The following ADCY2 variants were observed in gnomAD, a reference collection of about 807,000 sequenced individuals.
The protein encoded by ADCY2 is adenylate cyclase type 2.
ADCY2 carries 31 observed loss-of-function variants against 125.2 expected under a neutral mutation model. The ratio of observed to expected loss-of-function variants is 0.25; its 90% CI spans 0.19 to 0.33. The LOEUF is 0.33. Among genes scored for constraint, ADCY2 ranks in the 10% least tolerant of loss-of-function variants. The pLI is 1.00. For synonymous variants in ADCY2, 512 were observed against 548.4 expected, an observed-to-expected ratio of 0.93 and a Z score of 0.93; for missense variants, 904 against 1,418.2, an observed-to-expected ratio of 0.64 and a Z score of 5.82.
At chr5:7,697,372 G>C (rs543119905) in intron 6 of ADCY2, among the ~76,000 whole-genome samples, 3 of 152,088 alleles carry the variant, frequency 2.0e-5, no homozygotes, top group Non-Finnish European at 4.4e-5. Flanking sequence ...GTGTGCCTTC[G>C]ATATGAGTTC....
Position 7,626,170 on chromosome 5 carries a change from C to A in ADCY2, c.574C>A (p.Leu192Met), listed in dbSNP as rs778717802. Residue 192 changes from leucine to methionine, a missense_variant, in exon 4 of 25, where the codon CTG becomes ATG. By Grantham distance (15) the Leu-to-Met change is conservative. Around this residue, in one of 7 missense-constraint regions of ADCY2, gnomAD observed 121 missense variants for 161.5 expected, o/e 0.75. Coordinates refer to ENST00000338316, the MANE Select transcript of ADCY2 (RefSeq NM_020546.3). ...GCAGCTCTTTCTGTCTCTTTAGATCCTGGCCAATGTGATCATTTTCATCTG... is the reference window on the plus strand; with the variant it reads ...GCAGCTCTTTCTGTCTCTTTAGATCATGGCCAATGTGATCATTTTCATCTG... Reference protein sequence around the residue: ...GGKEHLVWQILANVIIFICGN... With the variant: ...GGKEHLVWQIMANVIIFICGN... The A allele has an allele frequency of 6.2e-7, 1 of 1,612,774 alleles. No homozygotes were observed. The highest frequency in any genetic ancestry group is 8.5e-7 in the Non-Finnish European group (1 of 1,179,642).
chr5:7,456,519 T>C (rs1310196239), intron 2 of ADCY2, among the ~76,000 whole-genome samples: 2 of 152,244 alleles, frequency 1.3e-5, no homozygotes, highest in Admixed American at 1.3e-4. Flanking sequence ...ACATGAATAC[T>C]ATCTGAAATA....
chr5:7,611,037 G>A (rs1737558062), intron 3 of ADCY2: 1 of 152,036 alleles, frequency 6.6e-6, no homozygotes, highest in African/African-American at 2.4e-5. Flanking sequence ...ACTATTCCTT[G>A]TAGCAAGCAC....
At chr5:7,498,250 T>C (rs1255345716) in intron 2 of ADCY2, among the ~76,000 whole-genome samples, 1 of 137,040 alleles carries the variant, frequency 7.3e-6, no homozygotes, top group African/African-American at 2.8e-5. Flanking sequence ...TTTTTTTTTT[T>C]TTTTTTTTTT....
chr5:7,516,659 A>G (rs1445104253), intron 2 of ADCY2, among the ~76,000 whole-genome samples: 2 of 152,196 alleles, frequency 1.3e-5, no homozygotes, highest in East Asian at 3.9e-4. Context: ...ATTATATTAC[A>G]TGCCCAGAAG....
At chr5:7,516,562 G>A (rs1458605890) in intron 2 of ADCY2, among the ~76,000 whole-genome samples, 1 of 152,164 alleles carries the variant, frequency 6.6e-6, no homozygotes, top group East Asian at 1.9e-4. Context: ...GGTTGCCAGG[G>A]AGGCAAGAGG....
chr5:7,410,501 G>A (rs1579414560), intron 1 of ADCY2, among the ~76,000 whole-genome samples: 1 of 152,156 alleles, frequency 6.6e-6, no homozygotes, highest in South Asian at 2.1e-4. Context: ...GAAAATGCAT[G>A]GAAAATGAAG....
intron 2 of ADCY2, among the ~76,000 whole-genome samples, chr5:7,481,380 C>T (rs1742724569): frequency 6.6e-6 from 1 of 152,160 alleles, no homozygotes; most frequent in South Asian, 2.1e-4. Flanking sequence ...CATTCTCTCG[C>T]CTCAGCTTCC....
intron 2 of ADCY2, among the ~76,000 whole-genome samples, chr5:7,431,818 C>A (rs187450331): frequency 6.6e-6 from 1 of 152,076 alleles, no homozygotes; most frequent in Non-Finnish European, 1.5e-5. Context: ...TACATGAAAA[C>A]ATATTCAGTA....
chr5:7,504,464 G>A (rs975686656), intron 2 of ADCY2, among the ~76,000 whole-genome samples: 1 of 152,096 alleles, frequency 6.6e-6, no homozygotes, highest in Non-Finnish European at 1.5e-5. Flanking sequence ...GGAACACAAC[G>A]CCTATGAAGG....
chr5:7,688,781 A>C (rs1740615791), intron 4 of ADCY2, among the ~76,000 whole-genome samples: 1 of 152,170 alleles, frequency 6.6e-6, no homozygotes, highest in Non-Finnish European at 1.5e-5. Flanking sequence ...GCAGAAATGG[A>C]ATTCAGTGGA....
chr5:7,685,774 G>A (rs1282009217), intron 4 of ADCY2, among the ~76,000 whole-genome samples: 1 of 152,160 alleles, frequency 6.6e-6, no homozygotes, highest in Non-Finnish European at 1.5e-5. Context: ...AGGAGCTGGG[G>A]GAGGTGCAGC....
At chr5:7,544,902 A>G (rs1030763032) in intron 3 of ADCY2, among the ~76,000 whole-genome samples, 3 of 152,234 alleles carry the variant, frequency 2.0e-5, no homozygotes, top group African/African-American at 7.2e-5. Flanking sequence ...TCCCATGGAG[A>G]AAGCACAAGG....
chr5:7,732,634 C>T (rs1742139084), intron 14 of ADCY2, among the ~76,000 whole-genome samples: 1 of 152,118 alleles, frequency 6.6e-6, no homozygotes, highest in African/African-American at 2.4e-5. Context: ...CTTCTGTTGA[C>T]TTTGTTTTCT....
At chr5:7,714,212 G>T (rs1327798367) in intron 11 of ADCY2, among the ~76,000 whole-genome samples, 1 of 152,148 alleles carries the variant, frequency 6.6e-6, no homozygotes, top group Non-Finnish European at 1.5e-5. Flanking sequence ...CGGTGCCTCT[G>T]GCCAATAAGA....
intron 7 of ADCY2, among the ~76,000 whole-genome samples, chr5:7,705,515 TG>T (rs1285278361): frequency 6.7e-6 from 1 of 148,512 alleles, no homozygotes; most frequent in African/African-American, 2.5e-5. Flanking sequence ...CTTGGGGGCA[TG>T]GGGAGCAGGA....
chr5:7,656,488 A>G (rs1393353054), intron 4 of ADCY2, among the ~76,000 whole-genome samples: 2 of 152,272 alleles, frequency 1.3e-5, no homozygotes, highest in East Asian at 3.8e-4. Context: ...TGGGAAAATT[A>G]ATTGGGAAAA....
At chr5:7,453,105 T>A (rs1741534285) in intron 2 of ADCY2, among the ~76,000 whole-genome samples, 1 of 152,168 alleles carries the variant, frequency 6.6e-6, no homozygotes, top group Non-Finnish European at 1.5e-5. Context: ...TTAGTTTAGT[T>A]AGCTCCCATT....
intron 3 of ADCY2, among the ~76,000 whole-genome samples, chr5:7,565,808 C>T (rs1735874547): frequency 6.6e-6 from 1 of 152,120 alleles, no homozygotes; most frequent in African/African-American, 2.4e-5. Context: ...AACCGCATTG[C>T]CAAATGACGA....
Sources: gnomAD v4.1 joint callset for allele counts (sites outside exome capture counted in the v4.1 genomes callset) on GRCh38, gnomAD v4.1.1 for gene constraint, gnomAD v4.1.1 regional missense constraint, MANE v1.5 for transcripts, NCBI Gene and HGNC (gene_info 2026-07-23, HGNC 2026-07-21) for gene names.